CD86: variants seen among roughly 807,000 people sequenced by gnomAD.
CD86 encodes T-lymphocyte activation antigen CD86.
A neutral mutation model predicts 32.1 loss-of-function variants in CD86; 11 were observed. That is an observed-to-expected ratio of 0.34 (90% CI 0.22 to 0.57). The LOEUF is 0.57. CD86 is among the 20% of genes least tolerant of loss of function. The pLI is 0.86. For missense variants in CD86, 359 were observed against 398.4 expected (o/e 0.90, Z 0.84); for synonymous variants, 137 against 135.3 (o/e 1.01, Z -0.09).
Position 122,055,458 on chromosome 3 carries a change from C to G in CD86, c.-32C>G. The G allele has an allele frequency of 6.2e-7, 1 of 1,611,524 alleles. No homozygotes were observed. Among genetic ancestry groups the G allele is most frequent in the Non-Finnish European group, 8.5e-7 (1 of 1,177,650 alleles). On this transcript the variant is annotated 5_prime_UTR_variant, in exon 1 of 7. Transcript: ENST00000330540. The stretch of plus-strand genomic sequence containing the variant: ...GACACACGGATGAGTGGGGTCATTT[C>G]CAGATATTAGGTCACAGCAGAAGCA...
At chr3:122,064,054 A>C (rs2072378597) in intron 1 of CD86, among the ~76,000 whole-genome samples, 1 of 152,162 alleles carries the variant, frequency 6.6e-6, no homozygotes. Context: ...GGACAGATGA[A>C]TCAGCCAAAC....
At chr3:122,075,913 T>C (rs1468720784) in intron 1 of CD86, among the ~76,000 whole-genome samples, 2 of 152,220 alleles carry the variant, frequency 1.3e-5, no homozygotes, top group Admixed American at 6.5e-5. Flanking sequence ...GCACCATATA[T>C]ATGCCATGTT....
At chr3:122,107,485 C>A (rs904688002) in intron 4 of CD86, among the ~76,000 whole-genome samples, 3 of 152,220 alleles carry the variant, frequency 2.0e-5, no homozygotes, top group African/African-American at 4.8e-5. Flanking sequence ...AGGAGCCTGA[C>A]ATTTTAAAGT....
At chr3:122,105,775 A>T (rs1484573202) in intron 3 of CD86, among the ~76,000 whole-genome samples, 1 of 152,116 alleles carries the variant, frequency 6.6e-6, no homozygotes, top group Non-Finnish European at 1.5e-5. Flanking sequence ...GAACTCTGTC[A>T]GTTCCTGGTG....
At chr3:122,078,794 C>CT (rs1388627140) in intron 1 of CD86, among the ~76,000 whole-genome samples, 1 of 152,200 alleles carries the variant, frequency 6.6e-6, no homozygotes, top group Non-Finnish European at 1.5e-5. Context: ...ACAAAGGGAA[C>CT]TTCCTACTCC....
chr3:122,106,720 C>G (rs2073097294), intron 4 of CD86, among the ~76,000 whole-genome samples: 1 of 152,050 alleles, frequency 6.6e-6, no homozygotes, highest in South Asian at 2.1e-4. Flanking sequence ...GCTTTTAGCC[C>G]TGAAACTGAC....
chr3:122,092,485 T>C (rs550928843), intron 2 of CD86, among the ~76,000 whole-genome samples: 7 of 152,356 alleles, frequency 4.6e-5, no homozygotes, highest in Admixed American at 4.6e-4. Flanking sequence ...TACATTCTTT[T>C]TCTTAACTAT....
chr3:122,082,957 G>C (rs188338855), intron 1 of CD86, among the ~76,000 whole-genome samples: 1 of 152,196 alleles, frequency 6.6e-6, no homozygotes, highest in Non-Finnish European at 1.5e-5. Context: ...TGATGCAGTT[G>C]CTGAGTCAAA....
intron 1 of CD86, among the ~76,000 whole-genome samples, chr3:122,090,195 T>TA (rs1412993089): frequency 1.3e-5 from 2 of 151,958 alleles, no homozygotes; most frequent in Non-Finnish European, 2.9e-5. Context: ...AAATATTTAT[T>TA]AAAAAAAGAA....
intron 2 of CD86, among the ~76,000 whole-genome samples, chr3:122,096,455 G>A (rs1389964843): frequency 1.3e-5 from 2 of 150,878 alleles, no homozygotes; most frequent in African/African-American, 2.4e-5. Flanking sequence ...AATTTTTTTT[G>A]AGTAAATTTA....
chr3:122,073,763 C>A (rs1425468886), intron 1 of CD86, among the ~76,000 whole-genome samples: 1 of 152,182 alleles, frequency 6.6e-6, no homozygotes, highest in Non-Finnish European at 1.5e-5. Flanking sequence ...AATTCAGGAA[C>A]TGTGTTTACG....
chr3:122,081,671 TA>T (rs1170815781), intron 1 of CD86, among the ~76,000 whole-genome samples: 5 of 152,230 alleles, frequency 3.3e-5, no homozygotes, highest in African/African-American at 9.6e-5. Context: ...ACAGCCCTCA[TA>T]AGTGGGAGTA....
At chr3:122,099,812 C>T (rs2072968591) in intron 2 of CD86, among the ~76,000 whole-genome samples, 1 of 152,086 alleles carries the variant, frequency 6.6e-6, no homozygotes, top group African/African-American at 2.4e-5. Flanking sequence ...GCTCAATAGC[C>T]ACAGGGGCTG....
In CD86 at chr3:122,099,429, A is replaced by G. The variant is rs953673285; in HGVS notation, c.65-4083A>G. Among the ~76,000 whole-genome samples, 13 of 152,258 alleles carry G rather than the reference A, an allele frequency of 8.5e-5. No homozygotes were observed. In the East Asian group the frequency reaches 2.5e-3, roughly 29 times the overall value. Reference sequence around the variant, plus strand: ...GGAAAGAGAAACTAAAAGCAGTAGCACAAGGTTTGTGTTTGAAGTAATGGA... The same window carrying G: ...GGAAAGAGAAACTAAAAGCAGTAGCGCAAGGTTTGTGTTTGAAGTAATGGA... On this transcript the variant is annotated intron_variant, in intron 2 of 6. Transcript: ENST00000330540.
At chr3:122,100,019 G>A (rs2072972839) in intron 2 of CD86, among the ~76,000 whole-genome samples, 1 of 152,172 alleles carries the variant, frequency 6.6e-6, no homozygotes, top group Admixed American at 6.6e-5. Context: ...TTGAGATTAA[G>A]ATTCTAGGGA....
At position 122,055,440 on chromosome 3, in the gene CD86, G is replaced by C; in HGVS notation, c.-50G>C. The C allele has an allele frequency of 6.3e-7, 1 of 1,599,066 alleles. No homozygotes were observed. The highest frequency in any genetic ancestry group is 8.6e-7 in the Non-Finnish European group (1 of 1,166,306). Reference sequence around the variant, plus strand: ...GTAACAGGGACTAGCACAGACACACGGATGAGTGGGGTCATTTCCAGATAT... The same window carrying C: ...GTAACAGGGACTAGCACAGACACACCGATGAGTGGGGTCATTTCCAGATAT... On this transcript the variant is annotated 5_prime_UTR_variant, in exon 1 of 7. Coordinates refer to ENST00000330540, the MANE Select transcript of CD86 (RefSeq NM_175862.5).
intron 1 of CD86, among the ~76,000 whole-genome samples, chr3:122,068,656 T>C (rs924676002): frequency 1.3e-5 from 2 of 152,250 alleles, no homozygotes; most frequent in African/African-American, 4.8e-5. Flanking sequence ...AGTTTATTGA[T>C]ATTTAATTTT....
At position 122,120,247 on chromosome 3, in the gene CD86, A is replaced by G. The variant is rs904076956; in HGVS notation, c.*713A>G. The stretch of plus-strand genomic sequence containing the variant: ...ATCTGGGCTGTTGCTAATATTGAGG[A>G]GGCTTGCCCCACCCAACAAGCCATA... On this transcript the variant is annotated 3_prime_UTR_variant, in exon 7 of 7. Coordinates refer to ENST00000330540, the MANE Select transcript of CD86 (RefSeq NM_175862.5). The G allele has an allele frequency of 4.6e-5, 7 of 152,204 alleles. No individual in the cohort carries two copies. The highest frequency in any genetic ancestry group is 5.9e-5 in the Non-Finnish European group (4 of 68,064). 9.4% of individuals were successfully genotyped at this position (152,204 alleles called of 1,614,324 possible).
chr3:122,063,057 G>C (rs1052964047), intron 1 of CD86, among the ~76,000 whole-genome samples: 14 of 152,266 alleles, frequency 9.2e-5, no homozygotes, highest in Non-Finnish European at 1.6e-4. Context: ...TAAATTTTAT[G>C]TAAGGTAGGG....
Sources: gnomAD v4.1 joint callset for allele counts (sites outside exome capture counted in the v4.1 genomes callset) on GRCh38, gnomAD v4.1.1 for gene constraint, MANE v1.5 for transcripts, NCBI Gene and HGNC (gene_info 2026-07-23, HGNC 2026-07-21) for gene names.